The following ZBTB16 variants were observed in gnomAD, a reference collection of about 807,000 sequenced individuals.
The protein encoded by ZBTB16 is zinc finger and BTB domain-containing protein 16.
Under a neutral mutation model 56.8 loss-of-function variants are expected in ZBTB16, and 8 were observed. That is an observed-to-expected ratio of 0.14 (90% CI 0.08 to 0.25). The LOEUF is 0.25. Ranked by LOEUF, ZBTB16 falls within the 10% of genes least tolerant of loss-of-function variation. ZBTB16 has a pLI of 1.00. For synonymous variants in ZBTB16, 363 were observed against 368.5 expected, an observed-to-expected ratio of 0.98 and a Z score of 0.17; for missense variants, 625 against 903.0, an observed-to-expected ratio of 0.69 and a Z score of 3.95.
At chr11:114,195,681 C>T (rs1427274213) in intron 4 of ZBTB16, among the ~76,000 whole-genome samples, 1 of 152,172 alleles carries the variant, frequency 6.6e-6, no homozygotes, top group African/African-American at 2.4e-5. Context: ...GATTCCAATT[C>T]CAGCCCCATC....
intron 2 of ZBTB16, among the ~76,000 whole-genome samples, chr11:114,076,968 G>A (rs910622647): frequency 1.1e-4 from 16 of 152,062 alleles, no homozygotes; most frequent in African/African-American, 3.9e-4. Flanking sequence ...CAGATTCAAC[G>A]GCTGGGGGGG....
chr11:114,148,445 C>CTCTCTTTCTTTCTT lies in ZBTB16; in HGVS notation c.1269-7889_1269-7888insCTTTCTTTCTTTCT, dbSNP rs763868689. 2.8e-3 allele frequency among the ~76,000 whole-genome samples: 157 copies of CTCTCTTTCTTTCTT among 56,904 alleles called. 23 individuals are homozygous for CTCTCTTTCTTTCTT. Among genetic ancestry groups the CTCTCTTTCTTTCTT allele is most frequent in the Admixed American group, 5.9e-3 (28 of 4,772 alleles). 37.3% of individuals were successfully genotyped at this position (56,904 alleles called of 152,430 possible). A position where few individuals can be genotyped will look rare whatever the true frequency, so the allele number is the denominator to read the frequency against. ...CCTCCCTCTCTCTCTCTTTCTCTCT[C>CTCTCTTTCTTTCTT]TCTGTCTGTCTGTCTCTCTCTCTCT... On this transcript the variant is annotated intron_variant, in intron 2 of 6. Coordinates refer to ENST00000335953, the MANE Select transcript of ZBTB16 (RefSeq NM_006006.6).
intron 2 of ZBTB16, among the ~76,000 whole-genome samples, chr11:114,104,411 A>T (rs1940718115): frequency 6.6e-6 from 1 of 151,992 alleles, no homozygotes; most frequent in Non-Finnish European, 1.5e-5. Flanking sequence ...AACATTTCTT[A>T]CTCTTCCTGG....
chr11:114,184,512 A>G (rs1435673777), intron 3 of ZBTB16, among the ~76,000 whole-genome samples: 1 of 152,196 alleles, frequency 6.6e-6, no homozygotes, highest in Non-Finnish European at 1.5e-5. Flanking sequence ...ATCTTTGCAG[A>G]TGGAACCCCA....
At chr11:114,078,447 A>G (rs1281273179) in intron 2 of ZBTB16, among the ~76,000 whole-genome samples, 1 of 152,190 alleles carries the variant, frequency 6.6e-6, no homozygotes, top group African/African-American at 2.4e-5. Context: ...AGCCAAGGAG[A>G]AAAGAAAACT....
Position 114,186,958 on chromosome 11 carries a change from C to T in ZBTB16, c.1373C>T (p.Ala458Val), listed in dbSNP as rs1262441971. The T allele has an allele frequency of 6.2e-7, 1 of 1,613,972 alleles. No homozygotes were observed. The highest frequency in any genetic ancestry group is 1.1e-5 in the South Asian group (1 of 91,068). ...RMHLLAHSAGAKAFVCDQCGA... is the reference protein window; with the variant it reads ...RMHLLAHSAGVKAFVCDQCGA... ...TGCCTCTCCTTTCTTTCAGCGGGTG[C>T]CAAAGCCTTTGTCTGTGATCAGTGC... Residue 458 changes from alanine to valine, a missense_variant, in exon 4 of 7, where the codon GCC becomes GTC. Ala to Val is a moderately conservative substitution (Grantham distance 64, BLOSUM62 0). This residue lies in a region of ZBTB16 where 140 missense variants were observed against 214.8 expected (regional missense o/e 0.65). Transcript: ENST00000335953.
chr11:114,150,096 C>A (rs537134101), intron 2 of ZBTB16, among the ~76,000 whole-genome samples: 59 of 152,296 alleles, frequency 3.9e-4, no homozygotes, highest in African/African-American at 1.4e-3. Context: ...AATATTCCTA[C>A]AAAATACATA....
chr11:114,119,722 G>A (rs190271811), intron 2 of ZBTB16, among the ~76,000 whole-genome samples: 224 of 152,270 alleles, frequency 1.5e-3, no homozygotes, highest in African/African-American at 5.2e-3. Flanking sequence ...CAGTCTCTGA[G>A]TTAGGTTCTT....
At chr11:114,189,104 G>C (rs912935200) in intron 4 of ZBTB16, 1 of 152,272 alleles carries the variant, frequency 6.6e-6, no homozygotes, top group Non-Finnish European at 1.5e-5. Context: ...AAGTCTCTCA[G>C]CCCTGGTAAA....
rs976844590 is a variant in ZBTB16 at position 114,253,540 on chromosome 11, A to G, written c.*2985A>G. ...TCGTAATCTGGTGTTGCAGCAATGGATGGTACTAAATCAGCACCTGGATGC... is the reference window on the plus strand; with the variant it reads ...TCGTAATCTGGTGTTGCAGCAATGGGTGGTACTAAATCAGCACCTGGATGC... On this transcript the variant is annotated 3_prime_UTR_variant, in exon 7 of 7. Transcript: ENST00000335953. Among the ~76,000 whole-genome samples, 3 of 152,174 alleles carry G rather than the reference A, an allele frequency of 2.0e-5. No individual in the cohort carries two copies. The highest frequency in any genetic ancestry group is 4.8e-5 in the African/African-American group (2 of 41,448).
At chr11:114,140,005 C>A (rs1475879207) in intron 2 of ZBTB16, among the ~76,000 whole-genome samples, 1 of 152,182 alleles carries the variant, frequency 6.6e-6, no homozygotes, top group African/African-American at 2.4e-5. Context: ...CGGTCAAGAA[C>A]GAACAATGCT....
intron 3 of ZBTB16, among the ~76,000 whole-genome samples, chr11:114,156,904 A>G (rs566757036): frequency 2.8e-4 from 42 of 152,164 alleles, no homozygotes; most frequent in African/African-American, 9.2e-4. Context: ...GCTGCTGGTA[A>G]TTTTGCTCAT....
chr11:114,156,492 T>A, intron 3 of ZBTB16, 58 bp downstream of exon 3: 1 of 1,531,700 alleles, frequency 6.5e-7, no homozygotes, highest in Non-Finnish European at 9.0e-7. Context: ...CCTGCTTGCC[T>A]TTACCCCTCC....
chr11:114,143,796 C>A lies in ZBTB16; in HGVS notation c.1269-12541C>A, dbSNP rs924507834. ...TGCAGTCAGAGTCAAGGTTAAGAAT[C>A]GATCTCTTCATTCTGTTTCAAGATT... On this transcript the variant is annotated intron_variant, in intron 2 of 6. Transcript: ENST00000335953. This position sits in a 1 kb window ranked among gnomAD's most constrained non-coding sequence, Gnocchi z 6.4. 6.6e-6 allele frequency among the ~76,000 whole-genome samples: 1 copy of A among 152,184 alleles called. No homozygotes were observed. The highest frequency in any genetic ancestry group is 6.5e-5 in the Admixed American group (1 of 15,284).
chr11:114,162,885 C>G (rs1270811927), intron 3 of ZBTB16, among the ~76,000 whole-genome samples: 1 of 152,178 alleles, frequency 6.6e-6, no homozygotes, highest in Admixed American at 6.5e-5. Flanking sequence ...CTTTCTCTCT[C>G]TCTCCCTACT....
At chr11:114,176,010 T>C (rs942613072) in intron 3 of ZBTB16, among the ~76,000 whole-genome samples, 18 of 151,640 alleles carry the variant, frequency 1.2e-4, no homozygotes, top group African/African-American at 2.9e-4. Context: ...TGCGTGCGTG[T>C]GTGTGTGTGT....
chr11:114,233,776 G>A (rs547780483), intron 4 of ZBTB16, among the ~76,000 whole-genome samples: 12 of 152,136 alleles, frequency 7.9e-5, no homozygotes, highest in Middle Eastern at 3.4e-3. Context: ...TGTCCAGGGC[G>A]CACCTTAATG....
intron 2 of ZBTB16, among the ~76,000 whole-genome samples, chr11:114,117,121 G>A (rs1941196440): frequency 6.6e-6 from 1 of 152,120 alleles, no homozygotes; most frequent in South Asian, 2.1e-4. Flanking sequence ...GGCATTCCAG[G>A]TAGAGGTAAC....
At chr11:114,118,583 T>C (rs952366538) in intron 2 of ZBTB16, among the ~76,000 whole-genome samples, 11 of 152,296 alleles carry the variant, frequency 7.2e-5, no homozygotes, top group Admixed American at 4.6e-4. Context: ...TATCTATCAG[T>C]CATCATGAGT....
Sources: gnomAD v4.1 joint callset for allele counts (sites outside exome capture counted in the v4.1 genomes callset) on GRCh38, gnomAD v4.1.1 for gene constraint, gnomAD v4.1.1 regional missense constraint, Gnocchi (gnomAD v3.1) non-coding constraint, MANE v1.5 for transcripts, NCBI Gene and HGNC (gene_info 2026-07-23, HGNC 2026-07-21) for gene names.